TBXAS1: variants seen among roughly 807,000 people sequenced by gnomAD.
The protein encoded by TBXAS1 is thromboxane-A synthase.
Under a neutral mutation model 60.7 loss-of-function variants are expected in TBXAS1, and 48 were observed. That is an observed-to-expected ratio of 0.79 (90% CI 0.63 to 1.01). The LOEUF is 1.01. TBXAS1 is among the 50% of genes least tolerant of loss of function. TBXAS1 has a pLI of 0.00. For missense variants in TBXAS1, 685 were observed against 686.3 expected, an observed-to-expected ratio of 1.00 and a Z score of 0.02; for synonymous variants, 287 against 269.7, an observed-to-expected ratio of 1.06 and a Z score of -0.63.
intron 3 of TBXAS1, among the ~76,000 whole-genome samples, chr7:139,783,313 G>A (rs1797059702): frequency 6.6e-6 from 1 of 150,462 alleles, no homozygotes; most frequent in Non-Finnish European, 1.5e-5. Context: ...GAAAAGCAAA[G>A]CGATGCCATA....
At chr7:139,842,231 A>G (rs1799497286) in intron 1 of TBXAS1, among the ~76,000 whole-genome samples, 1 of 152,208 alleles carries the variant, frequency 6.6e-6, no homozygotes, top group South Asian at 2.1e-4. Context: ...GGCTTCTGGT[A>G]GCATCTGTTT....
chr7:140,015,958 A>C, intron 11 of TBXAS1, 98 bp downstream of exon 11: 1 of 1,541,914 alleles, frequency 6.5e-7, no homozygotes, highest in Non-Finnish European at 8.9e-7. Flanking sequence ...AGACTTAGCA[A>C]AATTGTCCCC....
intron 9 of TBXAS1, among the ~76,000 whole-genome samples, chr7:139,983,174 T>C (rs913826475): frequency 6.6e-6 from 1 of 152,208 alleles, no homozygotes. Flanking sequence ...CAAATTGTCT[T>C]GGTACGCACC....
intron 2 of TBXAS1, among the ~76,000 whole-genome samples, chr7:139,781,100 C>G (rs1252813447): frequency 6.6e-6 from 1 of 152,226 alleles, no homozygotes; most frequent in Non-Finnish European, 1.5e-5. Context: ...TGGAGCCATA[C>G]AGACAGAGGT....
intron 4 of TBXAS1, 126 bp from the exon 5 acceptor site, chr7:139,936,065 A>C: frequency 1.2e-6 from 1 of 862,490 alleles, no homozygotes; most frequent in Non-Finnish European, 2.0e-6. Flanking sequence ...TCTCCTTGCA[A>C]GAGAAACCTC....
rs553941574 is a variant in TBXAS1, at chr7:139,811,127, T to C, written c.-79-18185T>C. Among the ~76,000 whole-genome samples, 7 of 152,386 alleles carry C rather than the reference T, an allele frequency of 4.6e-5. No individual in the cohort carries two copies. In the South Asian group the frequency reaches 1.4e-3, roughly 32 times the overall value. On this transcript the variant is annotated intron_variant, in intron 4 of 16. Transcript: ENST00000336425. Reference sequence around the variant, plus strand: ...AGTAGCATTTGAAATAGCTTATTTTTTGACTGGATTCAACCTGAAGTATAT... The same window carrying C: ...AGTAGCATTTGAAATAGCTTATTTTCTGACTGGATTCAACCTGAAGTATAT...
intron 5 of TBXAS1, among the ~76,000 whole-genome samples, chr7:139,938,425 A>G (rs569245783): frequency 1.7e-4 from 26 of 152,298 alleles, no homozygotes; most frequent in African/African-American, 5.3e-4. Context: ...AACCACCACC[A>G]GTAGAAGTTC....
intron 1 of TBXAS1, among the ~76,000 whole-genome samples, chr7:139,779,270 G>C (rs192935151): frequency 6.6e-6 from 1 of 152,210 alleles, no homozygotes; most frequent in East Asian, 1.9e-4. Context: ...CCATCCTTCA[G>C]TCCTTCCCAA....
intron 10 of TBXAS1, among the ~76,000 whole-genome samples, chr7:140,014,583 G>A (rs749265832): frequency 1.3e-5 from 2 of 152,094 alleles, no homozygotes; most frequent in Non-Finnish European, 2.9e-5. Context: ...GTCTGAGAGA[G>A]AGAGACAGAC....
intron 1 of TBXAS1, among the ~76,000 whole-genome samples, chr7:139,868,945 G>T (rs997070973): frequency 1.3e-5 from 2 of 151,636 alleles, no homozygotes; most frequent in African/African-American, 4.8e-5. Context: ...GAGCCACCAC[G>T]ACCAGGCTCA....
At chr7:140,015,702 C>T (rs1727864010) in intron 10 of TBXAS1, 21 bp from the exon 11 acceptor site, 3 of 1,612,158 alleles carry the variant, frequency 1.9e-6, no homozygotes, top group Non-Finnish European at 2.5e-6. Flanking sequence ...GTATCCACCC[C>T]CGACCTGGTG....
chr7:139,936,427 C>T, intron 5 of TBXAS1, 120 bp downstream of exon 5: 1 of 981,742 alleles, frequency 1.0e-6, no homozygotes, highest in East Asian at 2.4e-5. Flanking sequence ...AATGCCTTTC[C>T]CACTGGGACC....
At chr7:139,841,363 A>C (rs1195806184) in intron 1 of TBXAS1, among the ~76,000 whole-genome samples, 1 of 152,248 alleles carries the variant, frequency 6.6e-6, no homozygotes, top group Non-Finnish European at 1.5e-5. Context: ...AGTGTTTGTA[A>C]CATTTGCTGG....
intron 1 of TBXAS1, among the ~76,000 whole-genome samples, chr7:139,863,476 A>G (rs1198338480): frequency 6.6e-6 from 1 of 152,210 alleles, no homozygotes; most frequent in Non-Finnish European, 1.5e-5. Flanking sequence ...TGAAAAAACA[A>G]TAGGAAGGTC....
chr7:139,832,359 A>G (rs1009163429), intron 1 of TBXAS1, among the ~76,000 whole-genome samples: 1 of 152,194 alleles, frequency 6.6e-6, no homozygotes, highest in Non-Finnish European at 1.5e-5. Context: ...GAAGAAGGAA[A>G]TTCAGAGCTC....
chr7:140,005,510 C>T (rs1814006694), intron 9 of TBXAS1, among the ~76,000 whole-genome samples: 1 of 152,170 alleles, frequency 6.6e-6, no homozygotes, highest in Non-Finnish European at 1.5e-5. Context: ...CGCACAGAGC[C>T]CTTTTCATTG....
At chr7:139,858,682 C>T (rs1800752424) in intron 1 of TBXAS1, among the ~76,000 whole-genome samples, 1 of 152,162 alleles carries the variant, frequency 6.6e-6, no homozygotes, top group African/African-American at 2.4e-5. Flanking sequence ...TGGTTTTGAA[C>T]TATCAGCTGA....
At chr7:139,784,489 G>A (rs1797120610) in intron 3 of TBXAS1, among the ~76,000 whole-genome samples, 2 of 152,220 alleles carry the variant, frequency 1.3e-5, no homozygotes, top group Admixed American at 6.5e-5. Flanking sequence ...AGATAGTACA[G>A]AGGGACAAAT....
At chr7:139,879,232 A>G (rs1802496714) in intron 3 of TBXAS1, among the ~76,000 whole-genome samples, 1 of 152,222 alleles carries the variant, frequency 6.6e-6, no homozygotes, top group South Asian at 2.1e-4. Flanking sequence ...AGAACAAAAT[A>G]TCTTCACCAA....
Sources: gnomAD v4.1 joint callset for allele counts (sites outside exome capture counted in the v4.1 genomes callset) on GRCh38, gnomAD v4.1.1 for gene constraint, MANE v1.5 for transcripts, NCBI Gene and HGNC (gene_info 2026-07-23, HGNC 2026-07-21) for gene names.